The following MAGI1 variants were observed in gnomAD, a reference collection of about 807,000 sequenced individuals.
The protein encoded by MAGI1 is membrane associated guanylate kinase, WW and PDZ domain containing 1.
Under a neutral mutation model 139.9 loss-of-function variants are expected in MAGI1, and 58 were observed. The observed-to-expected ratio is 0.41, with a 90% CI of 0.34 to 0.52. The LOEUF (loss-of-function observed/expected upper bound fraction) is 0.52. Among genes scored for constraint, MAGI1 ranks in the 20% least tolerant of loss-of-function variants. MAGI1 has a pLI of 0.12. For synonymous variants in MAGI1, 812 were observed against 737.9 expected (o/e 1.10, Z -1.63); for missense variants, 1,874 against 1,901.6 (o/e 0.99, Z 0.27).
chr3:65,979,054 G>T (rs548813020), intron 1 of MAGI1, among the ~76,000 whole-genome samples: 6 of 143,756 alleles, frequency 4.2e-5, no homozygotes, highest in Admixed American at 7.0e-5. Flanking sequence ...AAGAAGTCAA[G>T]TTAGAAAGAA....
intron 1 of MAGI1, among the ~76,000 whole-genome samples, chr3:65,781,245 G>A (rs2038908834): frequency 6.6e-6 from 1 of 151,998 alleles, no homozygotes; most frequent in Admixed American, 6.6e-5. Flanking sequence ...ATGGAAAACA[G>A]AATAGTACCT....
chr3:65,392,296 C>G (rs540688011), intron 13 of MAGI1, among the ~76,000 whole-genome samples: 1 of 152,232 alleles, frequency 6.6e-6, no homozygotes, highest in Admixed American at 6.5e-5. Flanking sequence ...CAGAAAATAA[C>G]TGTAGTTCTT....
rs10662746 is a variant in MAGI1, at chr3:65,636,703, TAC to T, written c.314-14617_314-14616del. On this transcript the variant is annotated intron_variant, in intron 1 of 22. Transcript: ENST00000402939. ...AACTATGTTTATAAGGGAAAACACA[TAC>T]ACACACACACACACACACATACACA... Among the ~76,000 whole-genome samples, 576 of 148,410 alleles carry T rather than the reference TAC, an allele frequency of 3.9e-3. 8 individuals are homozygous for T. Among genetic ancestry groups the T allele is most frequent in the African/African-American group, 0.013 (522 of 40,114 alleles).
At chr3:65,699,858 C>T (rs1314765611) in intron 1 of MAGI1, among the ~76,000 whole-genome samples, 1 of 149,806 alleles carries the variant, frequency 6.7e-6, no homozygotes. Context: ...GCACATGTAC[C>T]CTAAAACTTA....
At chr3:65,495,848 G>A (rs1479740016) in intron 2 of MAGI1, among the ~76,000 whole-genome samples, 1 of 152,044 alleles carries the variant, frequency 6.6e-6, no homozygotes, top group South Asian at 2.1e-4. Context: ...TTTGATACGG[G>A]TGTGATCTGG....
At chr3:65,950,231 C>CCGT (rs1304146444) in intron 1 of MAGI1, among the ~76,000 whole-genome samples, 2 of 151,096 alleles carry the variant, frequency 1.3e-5, no homozygotes, top group Non-Finnish European at 2.9e-5. Flanking sequence ...GTAGACTAGA[C>CCGT]CACCCAAGTG....
intron 1 of MAGI1, among the ~76,000 whole-genome samples, chr3:65,864,931 A>T (rs1169850469): frequency 6.6e-6 from 1 of 152,236 alleles, no homozygotes; most frequent in Non-Finnish European, 1.5e-5. Context: ...AAATGATAAG[A>T]CACTAAGCAG....
intron 1 of MAGI1, among the ~76,000 whole-genome samples, chr3:66,011,636 G>A (rs892630120): frequency 3.3e-5 from 5 of 151,998 alleles, no homozygotes; most frequent in African/African-American, 1.2e-4. Flanking sequence ...TCCCAACCCA[G>A]GACAATACTG....
intron 1 of MAGI1, among the ~76,000 whole-genome samples, chr3:65,932,063 G>A (rs981523758): frequency 5.9e-5 from 9 of 152,044 alleles, no homozygotes; most frequent in Non-Finnish European, 7.4e-5. Context: ...GGAAAAAATC[G>A]TATCGAGTTT....
At chr3:65,624,017 A>G (rs2083829085) in intron 1 of MAGI1, among the ~76,000 whole-genome samples, 2 of 152,236 alleles carry the variant, frequency 1.3e-5, no homozygotes, top group East Asian at 3.8e-4. Context: ...TTAAGCATAT[A>G]AAAAGATGTT....
chr3:65,814,499 C>A (rs1248408597), intron 1 of MAGI1, among the ~76,000 whole-genome samples: 1 of 152,176 alleles, frequency 6.6e-6, no homozygotes, highest in African/African-American at 2.4e-5. Flanking sequence ...GAAATCAAGT[C>A]TTTTAAAAAG....
At chr3:65,950,614 A>G (rs2063789909) in intron 1 of MAGI1, among the ~76,000 whole-genome samples, 1 of 152,250 alleles carries the variant, frequency 6.6e-6, no homozygotes, top group Admixed American at 6.5e-5. Context: ...CTCTGTTGTT[A>G]TACCAAAGAT....
At chr3:65,780,849 G>A (rs529239239) in intron 1 of MAGI1, among the ~76,000 whole-genome samples, 1 of 152,144 alleles carries the variant, frequency 6.6e-6, no homozygotes, top group Non-Finnish European at 1.5e-5. Context: ...CACTGCTTAT[G>A]GTATACTATG....
intron 1 of MAGI1, among the ~76,000 whole-genome samples, chr3:65,877,979 C>T (rs1239476899): frequency 6.6e-6 from 1 of 151,904 alleles, no homozygotes; most frequent in African/African-American, 2.4e-5. Flanking sequence ...GGCACAGTGG[C>T]GCACACCTGT....
intron 1 of MAGI1, chr3:65,843,851 A>G (rs2058891808): frequency 1.0e-5 from 2 of 192,334 alleles, no homozygotes; most frequent in African/African-American, 4.7e-5. Flanking sequence ...TATGGTCAAA[A>G]ATGTTTGGGG....
chr3:65,854,094 C>T (rs895644798), intron 1 of MAGI1, among the ~76,000 whole-genome samples: 4 of 150,400 alleles, frequency 2.7e-5, no homozygotes, highest in Non-Finnish European at 5.9e-5. Context: ...GGCAACAGAG[C>T]GAGACTCTGT....
At chr3:65,656,623 G>A (rs2085890365) in intron 1 of MAGI1, among the ~76,000 whole-genome samples, 1 of 152,058 alleles carries the variant, frequency 6.6e-6, no homozygotes, top group African/African-American at 2.4e-5. Context: ...CGGATTTGAA[G>A]AAAGGCCACC....
intron 1 of MAGI1, among the ~76,000 whole-genome samples, chr3:65,637,174 G>T (rs1367501688): frequency 6.6e-6 from 1 of 152,228 alleles, no homozygotes; most frequent in Non-Finnish European, 1.5e-5. Context: ...TAGAAATTGG[G>T]AACAGTTATA....
intron 2 of MAGI1, chr3:65,597,989 A>G: frequency 2.2e-6 from 1 of 444,866 alleles, no homozygotes; most frequent in Non-Finnish European, 4.5e-6. Context: ...ACCTGACCAC[A>G]GAGCGGTTTT....
Sources: allele counts gnomAD v4.1 joint callset (sites outside exome capture counted in the v4.1 genomes callset), GRCh38; gene constraint gnomAD v4.1.1; transcripts MANE v1.5; gene names NCBI Gene and HGNC (gene_info 2026-07-23, HGNC 2026-07-21).